Variants in PLCL1 observed in about 807,000 individuals in gnomAD.
PLCL1 encodes the protein phospholipase C like 1 (inactive).
Under a neutral mutation model 84.4 loss-of-function variants are expected in PLCL1, and 41 were observed. The observed-to-expected ratio is 0.49, with a 90% CI of 0.38 to 0.63. The LOEUF is 0.63. Ranked by LOEUF, PLCL1 falls within the 30% of genes least tolerant of loss-of-function variation. PLCL1 has a pLI of 0.00. For missense variants in PLCL1, 1,206 were observed against 1,367.8 expected (o/e 0.88, Z 1.87); for synonymous variants, 490 against 488.3 (o/e 1.00, Z -0.05).
chr2:198,058,211 A>G (rs1316731667), intron 1 of PLCL1, among the ~76,000 whole-genome samples: 2 of 152,082 alleles, frequency 1.3e-5, no homozygotes, highest in African/African-American at 2.4e-5. Context: ...TTTTTGTGAT[A>G]CTGGTTGAAT....
chr2:197,891,133 CAG>C, intron 1 of PLCL1, among the ~76,000 whole-genome samples: 1 of 151,484 alleles, frequency 6.6e-6, no homozygotes. Context: ...GTTGGAGATA[CAG>C]AGATACATAG....
rs1431614555 is a variant in PLCL1, at chr2:198,085,019, A to G, written c.1502A>G (p.Lys501Arg). 1.9e-6 allele frequency: 3 copies of G among 1,613,984 alleles called. No individual in the cohort carries two copies. The African/African-American group carries it at 4.0e-5, about 22-fold the overall frequency. ...LGNHCSLPQQ[K>R]VMAQQMKKVF... ...AATCACTGCTCCTTGCCGCAGCAGA[A>G]GGTAATGGCTCAACAGATGAAAAAG... is the stretch of plus-strand genomic sequence containing the variant. The change falls in exon 2 of 6, where the codon AAG becomes AGG. Residue 501 changes from lysine (K) to arginine (R), a missense_variant. Physicochemically the swap from Lys to Arg is conservative, Grantham distance 26. Transcript: ENST00000428675. This position sits in a 1 kb window ranked among gnomAD's most constrained non-coding sequence, Gnocchi z 5.3.
chr2:198,071,211 C>T (rs900610594), intron 1 of PLCL1, among the ~76,000 whole-genome samples: 1 of 151,352 alleles, frequency 6.6e-6, no homozygotes, highest in African/African-American at 2.4e-5. Context: ...ATGTAATGTA[C>T]CATAATTTAT....
At chr2:197,975,066 G>A (rs888390080) in intron 1 of PLCL1, among the ~76,000 whole-genome samples, 17 of 150,462 alleles carry the variant, frequency 1.1e-4, no homozygotes, top group Admixed American at 9.3e-4. Context: ...GCGTGAACCC[G>A]GGAAGCGGAG....
chr2:197,863,441 G>A (rs182779112), intron 1 of PLCL1, among the ~76,000 whole-genome samples: 3 of 152,202 alleles, frequency 2.0e-5, no homozygotes, highest in African/African-American at 7.2e-5. Flanking sequence ...ATTATTGCAT[G>A]TTTCTGGGTA....
intron 1 of PLCL1, among the ~76,000 whole-genome samples, chr2:198,028,309 A>AT (rs57539509): frequency 0.2 from 29,890 of 151,706 alleles, 2,994 homozygotes; most frequent in East Asian, 0.26. Flanking sequence ...TCTTATTAGG[A>AT]TTTTTTTTTA....
chr2:198,057,380 C>G (rs1195204034), intron 1 of PLCL1, among the ~76,000 whole-genome samples: 2 of 151,810 alleles, frequency 1.3e-5, no homozygotes, highest in African/African-American at 4.8e-5. Context: ...GGATACTAAC[C>G]TTTTTTTACT....
chr2:197,837,549 T>C (rs1244157486), intron 1 of PLCL1, among the ~76,000 whole-genome samples: 1 of 152,162 alleles, frequency 6.6e-6, no homozygotes, highest in Non-Finnish European at 1.5e-5. Context: ...AGAAGATAGA[T>C]ATCAAAAATC....
At position 197,976,434 on chromosome 2, in the gene PLCL1, T is replaced by C. The variant is rs1689983451; in HGVS notation, c.241-107324T>C. ...CCTGAGGACATTACGGAACTTTCCT[T>C]TCCTTTCCCTTTCCCTTCTCTTCCC... On this transcript the variant is annotated intron_variant, in intron 1 of 5. Transcript: ENST00000428675. Among the ~76,000 whole-genome samples, 5 of 152,132 alleles carry C rather than the reference T, an allele frequency of 3.3e-5. No homozygotes were observed. The South Asian group carries it at 1.0e-3, about 31-fold the overall frequency.
intron 1 of PLCL1, among the ~76,000 whole-genome samples, chr2:197,836,012 C>T (rs549536600): frequency 6.6e-6 from 1 of 151,982 alleles, no homozygotes; most frequent in African/African-American, 2.4e-5. Flanking sequence ...AATCACAAGT[C>T]GTTGCATTTT....
At chr2:198,042,698 G>A (rs1691692260) in intron 1 of PLCL1, among the ~76,000 whole-genome samples, 1 of 152,150 alleles carries the variant, frequency 6.6e-6, no homozygotes, top group South Asian at 2.1e-4. Flanking sequence ...AGATTATGAT[G>A]ATGGAACATC....
chr2:197,906,654 G>A (rs1394208414), intron 1 of PLCL1, among the ~76,000 whole-genome samples: 1 of 152,154 alleles, frequency 6.6e-6, no homozygotes, highest in African/African-American at 2.4e-5. Context: ...ACTTTGGGCA[G>A]TAAGGCCATT....
At chr2:197,943,480 C>G (rs372915610) in intron 1 of PLCL1, among the ~76,000 whole-genome samples, 1 of 152,124 alleles carries the variant, frequency 6.6e-6, no homozygotes, top group Admixed American at 6.6e-5. Flanking sequence ...TATTTACCTC[C>G]TCATGTGAAA....
At chr2:197,994,836 C>A (rs772173026) in intron 1 of PLCL1, among the ~76,000 whole-genome samples, 12 of 152,094 alleles carry the variant, frequency 7.9e-5, no homozygotes, top group Non-Finnish European at 1.5e-4. Flanking sequence ...AACCTCTAGC[C>A]ATTTTCTTTC....
At chr2:198,136,507 G>C (rs1694259274) in intron 5 of PLCL1, among the ~76,000 whole-genome samples, 1 of 152,118 alleles carries the variant, frequency 6.6e-6, no homozygotes, top group African/African-American at 2.4e-5. Context: ...AGAGACTAGA[G>C]ACTAGTCTAG....
At chr2:197,851,421 G>A (rs1323518773) in intron 1 of PLCL1, among the ~76,000 whole-genome samples, 2 of 152,232 alleles carry the variant, frequency 1.3e-5, no homozygotes, top group Non-Finnish European at 2.9e-5. Context: ...CTATTGCACA[G>A]TGATAGAAGT....
chr2:197,941,111 A>G (rs1461620340), intron 1 of PLCL1, among the ~76,000 whole-genome samples: 4 of 152,182 alleles, frequency 2.6e-5, no homozygotes, highest in African/African-American at 9.7e-5. Flanking sequence ...ATTAAACTAG[A>G]CATCTATACC....
chr2:198,133,097 A>G (rs1255630201), intron 5 of PLCL1, among the ~76,000 whole-genome samples: 1 of 152,024 alleles, frequency 6.6e-6, no homozygotes, highest in East Asian at 1.9e-4. Flanking sequence ...TCCTTTCCCC[A>G]TTGCTTGTTT....
Position 198,084,512 on chromosome 2 carries a change from C to G in PLCL1, c.995C>G (p.Ala332Gly). 6.2e-7 allele frequency: 1 copy of G among 1,614,008 alleles called. No individual in the cohort carries two copies. The highest frequency in any genetic ancestry group is 8.5e-7 in the Non-Finnish European group (1 of 1,179,910). ...QISKNKEYLD[A>G]NDLMLFLEAE... ...TCTAAAAACAAAGAATATTTGGATG[C>G]CAATGATCTCATGCTCTTTTTAGAA... is the stretch of plus-strand genomic sequence containing the variant. Residue 332 changes from alanine to glycine, a missense_variant, in exon 2 of 6, where the codon GCC (alanine) becomes GGC (glycine). By Grantham distance (60) the Ala-to-Gly change is moderately conservative. Transcript: ENST00000428675.
Sources: gnomAD v4.1 joint callset for allele counts (sites outside exome capture counted in the v4.1 genomes callset) on GRCh38, gnomAD v4.1.1 for gene constraint, Gnocchi (gnomAD v3.1) non-coding constraint, MANE v1.5 for transcripts, NCBI Gene and HGNC (gene_info 2026-07-23, HGNC 2026-07-21) for gene names.